The following TMEM132B variants were observed in gnomAD, a reference collection of about 807,000 sequenced individuals.
The protein encoded by TMEM132B is transmembrane protein 132B.
Under a neutral mutation model 90.8 loss-of-function variants are expected in TMEM132B, and 18 were observed. The observed-to-expected ratio is 0.20, with a 90% CI of 0.14 to 0.29. TMEM132B has a LOEUF of 0.29. Among genes scored for constraint, TMEM132B ranks in the 10% least tolerant of loss-of-function variants. The pLI, the probability that TMEM132B is intolerant of heterozygous loss-of-function variation, is 1.00. For synonymous variants in TMEM132B, 504 were observed against 523.3 expected (o/e 0.96, Z 0.50); for missense variants, 1,096 against 1,326.8 (o/e 0.83, Z 2.70).
At chr12:125,599,428 A>T (rs368309071) in intron 5 of TMEM132B, among the ~76,000 whole-genome samples, 3 of 152,122 alleles carry the variant, frequency 2.0e-5, no homozygotes, top group Admixed American at 2.0e-4. Flanking sequence ...AAATCTTTCC[A>T]ACCATCTTTG....
intron 2 of TMEM132B, among the ~76,000 whole-genome samples, chr12:125,404,757 A>T: frequency 6.6e-6 from 1 of 152,182 alleles, no homozygotes; most frequent in Non-Finnish European, 1.5e-5. Context: ...CTTGCTCCTA[A>T]TCCTTCTCTC....
Position 125,460,648 on chromosome 12 carries a change from C to T in TMEM132B, c.1106+44971C>T, listed in dbSNP as rs1881413116. Among the ~76,000 whole-genome samples the T allele has an allele frequency of 6.6e-6, 1 of 152,162 alleles. No individual in the cohort carries two copies. Among genetic ancestry groups the T allele is most frequent in the Non-Finnish European group, 1.5e-5 (1 of 68,026 alleles). On this transcript the variant is annotated intron_variant, in intron 3 of 8. Transcript: ENST00000682704. The surrounding 1 kb of genome is among the most constrained non-coding windows in gnomAD (Gnocchi z 4.4). Reference sequence around the variant, plus strand: ...GAGTATCTGCGGCCTTTTCATTGTTCTCAGCCCATAGACCAGAGTCAAAGG... The same window carrying T: ...GAGTATCTGCGGCCTTTTCATTGTTTTCAGCCCATAGACCAGAGTCAAAGG...
chr12:125,196,892 C>A (rs1034834414), intron 1 of TMEM132B, among the ~76,000 whole-genome samples: 4 of 152,114 alleles, frequency 2.6e-5, no homozygotes, highest in African/African-American at 9.7e-5. Context: ...ATGCTGCTTG[C>A]CCCAGGAGAA....
At chr12:125,591,875 T>A (rs1333959480) in intron 5 of TMEM132B, among the ~76,000 whole-genome samples, 1 of 152,210 alleles carries the variant, frequency 6.6e-6, no homozygotes, top group Non-Finnish European at 1.5e-5. Flanking sequence ...CAGGATGGTC[T>A]CTTCTTGAGA....
At position 125,415,192 on chromosome 12, in the gene TMEM132B, TG is replaced by T. The variant is rs1181874959; in HGVS notation, c.960-338del. The stretch of plus-strand genomic sequence containing the variant: ...CCATCTCCAGGTGAAGAATAGGCCT[TG>T]CAGATCCATCTCTTCTGGCCCGAGG... On this transcript the variant is annotated intron_variant, in intron 2 of 8. Coordinates refer to ENST00000682704, the MANE Select transcript of TMEM132B (RefSeq NM_001366854.1). The surrounding 1 kb of genome is among the most constrained non-coding windows in gnomAD (Gnocchi z 5.3). Among the ~76,000 whole-genome samples the T allele has an allele frequency of 1.3e-5, 2 of 152,180 alleles. No homozygotes were observed. The highest frequency in any genetic ancestry group is 2.9e-5 in the Non-Finnish European group (2 of 68,014).
At position 125,218,769 on chromosome 12, in the gene TMEM132B, G is replaced by GTTTTT. The variant is rs34905706; in HGVS notation, c.67+31920_67+31924dup. Among the ~76,000 whole-genome samples, 123 of 108,854 alleles carry GTTTTT rather than the reference G, an allele frequency of 1.1e-3. 10 individuals carry two copies. The highest frequency in any genetic ancestry group is 4.1e-3 in the Admixed American group (35 of 8,514). The allele number at this position is 108,854 out of a possible 152,430, so 71.4% of individuals were successfully genotyped here. ...GAGGGACATCTTTCTTGTTGAAGCT[G>GTTTTT]TTTTTTTTTTTTTTTTTTTTTATTG... On this transcript the variant is annotated intron_variant, in intron 1 of 8. Coordinates refer to ENST00000682704, the MANE Select transcript of TMEM132B (RefSeq NM_001366854.1).
chr12:125,522,004 A>G (rs1397036568), intron 4 of TMEM132B, among the ~76,000 whole-genome samples: 2 of 152,114 alleles, frequency 1.3e-5, no homozygotes, highest in African/African-American at 4.8e-5. Context: ...TGTGAACCAA[A>G]TCCAGCCTGT....
Position 125,375,266 on chromosome 12 carries a change from A to T in TMEM132B, c.959+24923A>T, listed in dbSNP as rs181301513. Among the ~76,000 whole-genome samples the T allele has an allele frequency of 2.2e-3, 332 of 152,340 alleles. 3 individuals are homozygous for T. The highest frequency in any genetic ancestry group is 7.3e-3 in the African/African-American group (303 of 41,568). ...ACCTGTGATCAAGGTGGATGGACTC[A>T]TTTGAATATGCAACAGTCTCTAAAG... On this transcript the variant is annotated intron_variant, in intron 2 of 8. Coordinates refer to ENST00000682704, the MANE Select transcript of TMEM132B (RefSeq NM_001366854.1).
In TMEM132B at chr12:125,406,274, C is replaced by G. The variant is rs1488012836; in HGVS notation, c.960-9257C>G. 6.6e-6 allele frequency among the ~76,000 whole-genome samples: 1 copy of G among 152,202 alleles called. No individual in the cohort carries two copies. Among genetic ancestry groups the G allele is most frequent in the Non-Finnish European group, 1.5e-5 (1 of 68,038 alleles). ...CACAATTTGCCTGTCTAGTGATGCT[C>G]ATCAAGTTTCCTCATGTGGAAAATG... is the stretch of plus-strand genomic sequence containing the variant. On this transcript the variant is annotated intron_variant, in intron 2 of 8. Coordinates refer to ENST00000682704, the MANE Select transcript of TMEM132B (RefSeq NM_001366854.1). This position sits in a 1 kb window ranked among gnomAD's most constrained non-coding sequence, Gnocchi z 8.3.
chr12:125,256,526 C>T (rs1379086301), intron 1 of TMEM132B, among the ~76,000 whole-genome samples: 1 of 152,218 alleles, frequency 6.6e-6, no homozygotes, highest in African/African-American at 2.4e-5. Flanking sequence ...CCATCATTTA[C>T]ATATTATCTG....
At chr12:125,513,460 AG>A (rs1349907899) in intron 3 of TMEM132B, among the ~76,000 whole-genome samples, 1 of 152,212 alleles carries the variant, frequency 6.6e-6, no homozygotes, top group Admixed American at 6.5e-5. Flanking sequence ...GAGCCGGATA[AG>A]GGGGTTGGAA....
chr12:125,360,870 G>A (rs1473938562), intron 2 of TMEM132B, among the ~76,000 whole-genome samples: 2 of 151,942 alleles, frequency 1.3e-5, no homozygotes, highest in African/African-American at 2.4e-5. Context: ...GAATCAATAA[G>A]GCTTGGGGTG....
At chr12:125,604,122 T>A (rs1169639867) in intron 5 of TMEM132B, among the ~76,000 whole-genome samples, 6 of 152,250 alleles carry the variant, frequency 3.9e-5, no homozygotes, top group Non-Finnish European at 8.8e-5. Context: ...ATGTAAATCA[T>A]TCTACTATAA....
At chr12:125,441,076 C>G (rs888925915) in intron 3 of TMEM132B, among the ~76,000 whole-genome samples, 4 of 152,166 alleles carry the variant, frequency 2.6e-5, no homozygotes, top group Non-Finnish European at 4.4e-5. Flanking sequence ...TATTTAAAAT[C>G]CTTTGGCCTT....
intron 3 of TMEM132B, among the ~76,000 whole-genome samples, chr12:125,482,613 G>A (rs1400672262): frequency 2.0e-5 from 3 of 152,208 alleles, no homozygotes; most frequent in Non-Finnish European, 4.4e-5. Context: ...TGGAGAGGAT[G>A]TGGAGAAACA....
intron 4 of TMEM132B, among the ~76,000 whole-genome samples, chr12:125,534,481 C>T (rs560755624): frequency 2.0e-5 from 3 of 152,314 alleles, no homozygotes; most frequent in Admixed American, 6.5e-5. Context: ...CATGCCATTG[C>T]ACTCCAGCTT....
At chr12:125,463,732 T>C (rs535435159) in intron 3 of TMEM132B, among the ~76,000 whole-genome samples, 13 of 152,324 alleles carry the variant, frequency 8.5e-5, no homozygotes, top group African/African-American at 2.9e-4. Context: ...CTTTTTCTCC[T>C]TGTTCCAGGA....
intron 7 of TMEM132B, among the ~76,000 whole-genome samples, chr12:125,652,219 T>A (rs1006220737): frequency 1.6e-4 from 25 of 152,250 alleles, no homozygotes; most frequent in African/African-American, 5.8e-4. Context: ...GCTGTTATCA[T>A]GACATAAATC....
At chr12:125,308,225 A>G (rs1876042175) in intron 1 of TMEM132B, among the ~76,000 whole-genome samples, 1 of 150,768 alleles carries the variant, frequency 6.6e-6, no homozygotes, top group Non-Finnish European at 1.5e-5. Flanking sequence ...CAGTATTTTA[A>G]AAAAGATATA....
Sources: gnomAD v4.1 joint callset for allele counts (sites outside exome capture counted in the v4.1 genomes callset) on GRCh38, gnomAD v4.1.1 for gene constraint, Gnocchi (gnomAD v3.1) non-coding constraint, MANE v1.5 for transcripts, NCBI Gene and HGNC (gene_info 2026-07-23, HGNC 2026-07-21) for gene names.